Variants in CNTNAP2 observed in about 807,000 individuals in gnomAD.
CNTNAP2 encodes the protein contactin associated protein 2, also known as contactin-associated protein-like 2.
In CNTNAP2, 98 loss-of-function variants were observed where a neutral mutation model predicts 155.2. The observed-to-expected ratio is 0.63, with a 90% CI of 0.54 to 0.75. The LOEUF is 0.75. Ranked by LOEUF, CNTNAP2 falls within the 30% of genes least tolerant of loss-of-function variation. CNTNAP2 has a pLI of 0.00. For synonymous variants in CNTNAP2, 651 were observed against 631.2 expected (o/e 1.03, Z -0.47); for missense variants, 1,727 against 1,688.1 (o/e 1.02, Z -0.40).
chr7:146,232,039 G>A (rs970573495), intron 1 of CNTNAP2, among the ~76,000 whole-genome samples: 2 of 152,018 alleles, frequency 1.3e-5, no homozygotes, highest in Non-Finnish European at 2.9e-5. Context: ...TAAGGTTCAA[G>A]AAACTATAAA....
At chr7:147,261,555 T>TAA (rs562044500) in intron 8 of CNTNAP2, among the ~76,000 whole-genome samples, 39 of 146,868 alleles carry the variant, frequency 2.7e-4, no homozygotes, top group Non-Finnish European at 3.9e-4. Context: ...AGGGATACTT[T>TAA]AAAAAAAAAA....
intron 13 of CNTNAP2, among the ~76,000 whole-genome samples, chr7:147,855,418 C>T (rs1033730834): frequency 6.6e-6 from 1 of 151,912 alleles, no homozygotes; most frequent in Non-Finnish European, 1.5e-5. Context: ...GTCATCTTAC[C>T]TGGATGCTTC....
intron 15 of CNTNAP2, among the ~76,000 whole-genome samples, chr7:148,017,693 G>A (rs558213733): frequency 6.6e-6 from 1 of 152,164 alleles, no homozygotes; most frequent in Non-Finnish European, 1.5e-5. Flanking sequence ...AAAAGCGTAT[G>A]GTCAAGATCT....
At chr7:147,286,949 C>A (rs1395982116) in intron 8 of CNTNAP2, among the ~76,000 whole-genome samples, 1 of 152,026 alleles carries the variant, frequency 6.6e-6, no homozygotes, top group Non-Finnish European at 1.5e-5. Context: ...ATCACATTCT[C>A]CTATTCTTTT....
chr7:146,809,360 G>GTTTGT (rs1315409773), intron 2 of CNTNAP2, among the ~76,000 whole-genome samples: 1 of 150,692 alleles, frequency 6.6e-6, no homozygotes, highest in Non-Finnish European at 1.5e-5. Context: ...TTTTTCATTT[G>GTTTGT]TTTGTTTTGT....
chr7:146,976,173 A>G (rs1018824098), intron 3 of CNTNAP2, among the ~76,000 whole-genome samples: 1 of 152,222 alleles, frequency 6.6e-6, no homozygotes. Flanking sequence ...AGGTAAAAAC[A>G]CAAACTGTTT....
At chr7:147,744,529 A>T (rs1410385952) in intron 13 of CNTNAP2, among the ~76,000 whole-genome samples, 1 of 152,228 alleles carries the variant, frequency 6.6e-6, no homozygotes, top group Non-Finnish European at 1.5e-5. Flanking sequence ...GGACAAGTTT[A>T]GTTCTTGCTC....
intron 21 of CNTNAP2, among the ~76,000 whole-genome samples, chr7:148,331,749 A>AG (rs1563046034): frequency 0.043 from 4,734 of 109,766 alleles, 539 homozygotes; most frequent in East Asian, 0.085. Flanking sequence ...GGATGGATGG[A>AG]ACGGACGGAT....
chr7:146,809,528 A>AT (rs924140559), intron 2 of CNTNAP2, among the ~76,000 whole-genome samples: 5 of 151,620 alleles, frequency 3.3e-5, no homozygotes, highest in East Asian at 1.9e-4. Context: ...CATCTGGCTG[A>AT]TTTTTTTGTA....
At position 148,334,845 on chromosome 7, in the gene CNTNAP2, G is replaced by A. The variant is rs374324506; in HGVS notation, c.3476-48804G>A. On this transcript the variant is annotated intron_variant, in intron 21 of 23. Transcript: ENST00000361727. ...AGACTTTGGGAGAGTGGAGAGAAGG[G>A]GCCTCCTGAAAAGACACAGCCAGGG... 8.7e-4 allele frequency among the ~76,000 whole-genome samples: 132 copies of A among 152,310 alleles called. No homozygotes were observed. In the East Asian group the frequency reaches 0.021, roughly 25 times the overall value.
rs1563160580 is a variant in CNTNAP2, at chr7:146,622,283, A to ATCTATCTATC, written c.98-151987_98-151986insCTATCTATCT. Among the ~76,000 whole-genome samples, 433 of 106,846 alleles carry ATCTATCTATC rather than the reference A, an allele frequency of 4.1e-3. 2 individuals carry two copies. The highest frequency in any genetic ancestry group is 9.7e-3 in the African/African-American group (315 of 32,548). 70.1% of individuals were successfully genotyped at this position (106,846 alleles called of 152,430 possible). On this transcript the variant is annotated intron_variant, in intron 1 of 23. Coordinates refer to ENST00000361727, the MANE Select transcript of CNTNAP2 (RefSeq NM_014141.6). ...TCTATCTATCTATCTATCTATCTATATATATATATGTTTTAGCTTGTATAT... is the reference window on the plus strand; with the variant it reads ...TCTATCTATCTATCTATCTATCTATATCTATCTATCTATATATATGTTTTAGCTTGTATAT...
chr7:146,855,776 C>G, intron 3 of CNTNAP2, among the ~76,000 whole-genome samples: 1 of 139,214 alleles, frequency 7.2e-6, no homozygotes, highest in East Asian at 2.1e-4. Context: ...AAGAATGAAG[C>G]CTACTTAAAA....
At chr7:147,638,211 A>G (rs966838779) in intron 12 of CNTNAP2, among the ~76,000 whole-genome samples, 1 of 151,934 alleles carries the variant, frequency 6.6e-6, no homozygotes, top group Non-Finnish European at 1.5e-5. Context: ...CTTTTTTTCT[A>G]CTGGGATATG....
chr7:147,737,340 T>C (rs551395548), intron 13 of CNTNAP2, among the ~76,000 whole-genome samples: 1 of 152,226 alleles, frequency 6.6e-6, no homozygotes, highest in South Asian at 2.1e-4. Context: ...GAACAGTGAA[T>C]ATTGGTGAAC....
chr7:147,849,372 C>T (rs1798881169), intron 13 of CNTNAP2, among the ~76,000 whole-genome samples: 1 of 152,132 alleles, frequency 6.6e-6, no homozygotes, highest in South Asian at 2.1e-4. Flanking sequence ...TTTGAGATAA[C>T]AGGAGTGTAG....
intron 21 of CNTNAP2, among the ~76,000 whole-genome samples, chr7:148,344,154 A>AT (rs1320292957): frequency 1.3e-5 from 2 of 152,082 alleles, no homozygotes; most frequent in Non-Finnish European, 2.9e-5. Flanking sequence ...CTCCTAGCAG[A>AT]TTTTTTCACT....
intron 1 of CNTNAP2, among the ~76,000 whole-genome samples, chr7:146,277,714 T>C (rs1800185748): frequency 6.6e-6 from 1 of 152,118 alleles, no homozygotes; most frequent in South Asian, 2.1e-4. Flanking sequence ...GAATTGTAAA[T>C]AGAAAATTGC....
intron 13 of CNTNAP2, among the ~76,000 whole-genome samples, chr7:147,852,223 A>T (rs1245166076): frequency 1.3e-5 from 2 of 152,216 alleles, no homozygotes; most frequent in Non-Finnish European, 2.9e-5. Flanking sequence ...CGCCGCACTT[A>T]TCACAAACAC....
intron 13 of CNTNAP2, among the ~76,000 whole-genome samples, chr7:147,708,405 A>G (rs1176148123): frequency 1.3e-5 from 2 of 152,150 alleles, no homozygotes; most frequent in African/African-American, 2.4e-5. Context: ...TCAATAGGAC[A>G]CCAGGGATGT....
Sources: allele counts gnomAD v4.1 joint callset (sites outside exome capture counted in the v4.1 genomes callset), GRCh38; gene constraint gnomAD v4.1.1; transcripts MANE v1.5; gene names NCBI Gene and HGNC (gene_info 2026-07-23, HGNC 2026-07-21).